STRN3: variants seen among roughly 807,000 people sequenced by gnomAD.
STRN3 encodes the protein striatin-3.
In STRN3, 29 loss-of-function variants were observed where a neutral mutation model predicts 95.6. The ratio of observed to expected loss-of-function variants is 0.30; its 90% CI spans 0.23 to 0.41. The LOEUF (loss-of-function observed/expected upper bound fraction) is 0.41. Among genes scored for constraint, STRN3 ranks in the 10% least tolerant of loss-of-function variants. The pLI is 1.00. For synonymous variants in STRN3, 331 were observed against 357.6 expected (o/e 0.93, Z 0.84); for missense variants, 890 against 972.1 (o/e 0.92, Z 1.12).
chr14:30,902,433 GCAATTTCGTA>G (rs1896348406), intron 16 of STRN3, 93 bp downstream of exon 16: 1 of 711,874 alleles, frequency 1.4e-6, no homozygotes, highest in Admixed American at 3.6e-5. Flanking sequence ...GTTTCATTTG[GCAATTTCGTA>G]TCTGAAAAGT....
chr14:30,934,533 T>C (rs981259803), intron 7 of STRN3, among the ~76,000 whole-genome samples: 4 of 152,174 alleles, frequency 2.6e-5, no homozygotes, highest in Non-Finnish European at 5.9e-5. Context: ...CATGTACAGA[T>C]AGAGAATGGT....
chr14:30,949,683 C>T (rs943180609), intron 4 of STRN3, among the ~76,000 whole-genome samples: 3 of 86,958 alleles, frequency 3.4e-5, no homozygotes, highest in African/African-American at 1.0e-4. Context: ...GACTCCGTTT[C>T]CAAAAAAAAA....
chr14:30,979,110 T>C (rs1881261105), intron 1 of STRN3, among the ~76,000 whole-genome samples: 1 of 151,512 alleles, frequency 6.6e-6, no homozygotes, highest in South Asian at 2.1e-4. Context: ...CAAAAGTCTG[T>C]TACTTTCCTA....
At chr14:30,972,529 G>A (rs1880885446) in intron 1 of STRN3, among the ~76,000 whole-genome samples, 1 of 152,122 alleles carries the variant, frequency 6.6e-6, no homozygotes, top group Non-Finnish European at 1.5e-5. Context: ...TTATATTCGA[G>A]TGTTATTTCT....
At chr14:30,979,660 C>A (rs768810249) in intron 1 of STRN3, among the ~76,000 whole-genome samples, 6 of 152,022 alleles carry the variant, frequency 3.9e-5, no homozygotes, top group Admixed American at 6.6e-5. Flanking sequence ...AGTGCAGTGG[C>A]ACCATCTCGG....
intron 5 of STRN3, among the ~76,000 whole-genome samples, chr14:30,945,591 G>A (rs1879321807): frequency 6.6e-6 from 1 of 152,054 alleles, no homozygotes; most frequent in Admixed American, 6.6e-5. Context: ...GGGAAATGGA[G>A]TAAGACCCTG....
At chr14:30,966,243 TC>T (rs1880500379) in intron 1 of STRN3, among the ~76,000 whole-genome samples, 1 of 152,100 alleles carries the variant, frequency 6.6e-6, no homozygotes, top group African/African-American at 2.4e-5. Context: ...AAGAACCCCT[TC>T]CCCTCCCTTG....
At chr14:31,018,395 CAAT>C (rs1275845474) in intron 1 of STRN3, 1 of 365,660 alleles carries the variant, frequency 2.7e-6, no homozygotes, top group African/African-American at 2.1e-5. Flanking sequence ...GTTGAATGAA[CAAT>C]ACCTGTGACA....
chr14:30,936,437 AT>A, intron 6 of STRN3, 57 bp downstream of exon 6: 1 of 1,543,874 alleles, frequency 6.5e-7, no homozygotes, highest in South Asian at 1.2e-5. Context: ...TATCTTAAAA[AT>A]TCCCATTCCA....
rs1021485325 is a variant in STRN3 at position 30,935,232 on chromosome 14, A to C, written c.919T>G (p.Phe307Val). 1 of 1,613,986 alleles carries C rather than the reference A, an allele frequency of 6.2e-7. No homozygotes were observed. The highest frequency in any genetic ancestry group is 1.7e-5 in the Admixed American group (1 of 59,992). The change falls in exon 7 of 18, where the codon TTT becomes GTT. Residue 307 changes from phenylalanine to valine, a missense_variant. Phe to Val is a conservative substitution (Grantham distance 50). Around this residue, in one of 3 missense-constraint regions of STRN3, gnomAD observed 526 missense variants for 526.3 expected, o/e 1.00. Coordinates refer to ENST00000357479, the MANE Select transcript of STRN3 (RefSeq NM_001083893.2). ...DTEEALKEFD[F>V]LVTAEDGEGA... ...TCACCATCTTCAGCAGTCACTAAAA[A>C]ATCAAATTCTTTCAGTGCTTCCTCA...
chr14:30,913,790 C>CA, intron 9 of STRN3, 133 bp from the exon 10 acceptor site: 1 of 1,120,528 alleles, frequency 8.9e-7, no homozygotes, highest in Non-Finnish European at 1.2e-6. Context: ...CACTTCTACT[C>CA]AAAAAATCCT....
chr14:30,903,691 G>A (rs191074791), intron 15 of STRN3, among the ~76,000 whole-genome samples: 1 of 152,222 alleles, frequency 6.6e-6, no homozygotes, highest in Admixed American at 6.5e-5. Context: ...GAGCCAATGC[G>A]CCCAGCCAAC....
intron 5 of STRN3, among the ~76,000 whole-genome samples, chr14:30,942,052 T>C (rs1879119020): frequency 6.6e-6 from 1 of 152,230 alleles, no homozygotes; most frequent in Non-Finnish European, 1.5e-5. Context: ...GGCTTATTCC[T>C]TTTCTTCATC....
intron 8 of STRN3, among the ~76,000 whole-genome samples, chr14:30,928,001 C>A (rs1365802366): frequency 6.7e-6 from 1 of 150,322 alleles, no homozygotes; most frequent in East Asian, 1.9e-4. Context: ...CTAACATAGT[C>A]AATCATGCAA....
At chr14:30,911,255 C>T (rs1896600329) in intron 12 of STRN3, 93 bp from the exon 13 acceptor site, 2 of 1,133,158 alleles carry the variant, frequency 1.8e-6, no homozygotes, top group Non-Finnish European at 1.2e-6. Flanking sequence ...TATGTAATAT[C>T]TAAAAACTGT....
Position 31,026,247 on chromosome 14 carries a change from G to A in STRN3, c.-62C>T, listed in dbSNP as rs179742. 2 of 1,362,418 alleles carry A rather than the reference G, an allele frequency of 1.5e-6. No homozygotes were observed. Among genetic ancestry groups the A allele is most frequent in the Non-Finnish European group, 1.9e-6 (2 of 1,065,434 alleles). The allele number at this position is 1,362,418 out of a possible 1,614,324, so 84.4% of individuals were successfully genotyped here. ...GCCGACAGCTGGGGGAAGGGCCGGA[G>A]AGGGTGGCCCCGCGCTGGCTGCGGG... is the stretch of plus-strand genomic sequence containing the variant. On this transcript the variant is annotated 5_prime_UTR_variant, in exon 1 of 18. Coordinates refer to ENST00000357479, the MANE Select transcript of STRN3 (RefSeq NM_001083893.2).
intron 5 of STRN3, among the ~76,000 whole-genome samples, chr14:30,939,941 A>G (rs975269269): frequency 3.3e-5 from 5 of 152,112 alleles, no homozygotes; most frequent in African/African-American, 1.2e-4. Context: ...CACTGTAAGT[A>G]CATATTAGTA....
At chr14:30,922,765 A>C (rs1896916730) in intron 8 of STRN3, among the ~76,000 whole-genome samples, 1 of 152,176 alleles carries the variant, frequency 6.6e-6, no homozygotes, top group South Asian at 2.1e-4. Context: ...TAATTTATTT[A>C]AGACAATTGT....
At chr14:30,990,093 CAAG>C (rs949938533) in intron 1 of STRN3, among the ~76,000 whole-genome samples, 3 of 151,158 alleles carry the variant, frequency 2.0e-5, no homozygotes, top group African/African-American at 7.3e-5. Context: ...CCTAATGACT[CAAG>C]GAGTTAAAGA....
Sources: gnomAD v4.1 joint callset for allele counts (sites outside exome capture counted in the v4.1 genomes callset) on GRCh38, gnomAD v4.1.1 for gene constraint, gnomAD v4.1.1 regional missense constraint, MANE v1.5 for transcripts, NCBI Gene and HGNC (gene_info 2026-07-23, HGNC 2026-07-21) for gene names.